The following ARK2C variants were observed in gnomAD, a reference collection of about 807,000 sequenced individuals.
The protein encoded by ARK2C is arkadia (RNF111) C-terminal like ring finger ubiquitin ligase 2C, also known as E3 ubiquitin-protein ligase ARK2C.
the ARK2C span, among the ~76,000 whole-genome samples, chr18:46,404,626 G>A: frequency 1.3e-5 from 2 of 152,030 alleles, no homozygotes; most frequent in Non-Finnish European, 2.9e-5. Context: ...GGTGGCGGGA[G>A]CCTGTAATGC....
the ARK2C span, chr18:46,457,297 C>T: frequency 2.0e-5 from 3 of 152,046 alleles, no homozygotes; most frequent in Admixed American, 1.3e-4. Context: ...TGTTTTTCAC[C>T]CAATTTGGGA....
chr18:46,356,566 C>T, the ARK2C span, among the ~76,000 whole-genome samples: 6 of 152,132 alleles, frequency 3.9e-5, no homozygotes, highest in Admixed American at 6.5e-5. Context: ...GCACGGAATG[C>T]GTACTTCTTG....
At chr18:46,366,682 T>A in the ARK2C span, among the ~76,000 whole-genome samples, 1 of 152,162 alleles carries the variant, frequency 6.6e-6, no homozygotes. Context: ...GAGCAAGGTG[T>A]TTCTTTTGAG....
At chr18:46,425,820 C>G in the ARK2C span, among the ~76,000 whole-genome samples, 3 of 152,196 alleles carry the variant, frequency 2.0e-5, no homozygotes, top group Admixed American at 2.0e-4. Flanking sequence ...GATGCTCTAA[C>G]AGAAGGCCAT....
the ARK2C span, among the ~76,000 whole-genome samples, chr18:46,352,322 GT>G: frequency 2.6e-5 from 4 of 152,184 alleles, no homozygotes; most frequent in African/African-American, 9.7e-5. Flanking sequence ...TGTAGCCTCA[GT>G]TTGCACTGGC....
the ARK2C span, chr18:46,456,696 C>A: frequency 1.6e-6 from 2 of 1,216,380 alleles, no homozygotes; most frequent in Non-Finnish European, 1.2e-6. Flanking sequence ...CGGCCATAGC[C>A]CTTGCAGCCA....
the ARK2C span, chr18:46,435,496 C>T: frequency 2.8e-5 from 26 of 915,958 alleles, 1 homozygote; most frequent in South Asian, 2.5e-4. Context: ...CTTTGAATGG[C>T]GCAGGAGGCC....
At chr18:46,456,874 C>G in the ARK2C span, 105 of 505,994 alleles carry the variant, frequency 2.1e-4, no homozygotes, top group Non-Finnish European at 3.4e-4. Context: ...AGAGAGGGAG[C>G]TGGCGGTGCC....
chr18:46,453,303 G>T, the ARK2C span, among the ~76,000 whole-genome samples: 1,344 of 152,274 alleles, frequency 8.8e-3, 27 homozygotes, highest in African/African-American at 0.031. Context: ...TATTGGAGAA[G>T]AACATAGAAG....
the ARK2C span, among the ~76,000 whole-genome samples, chr18:46,451,182 G>A: frequency 2.6e-5 from 4 of 152,256 alleles, no homozygotes; most frequent in South Asian, 8.3e-4. Context: ...ATAATTCTAT[G>A]TCCAATCTCA....
At chr18:46,344,118 T>C in the ARK2C span, among the ~76,000 whole-genome samples, 1 of 152,200 alleles carries the variant, frequency 6.6e-6, no homozygotes, top group Non-Finnish European at 1.5e-5. Flanking sequence ...CTGACGACAC[T>C]GTATCCCTTA....
the ARK2C span, among the ~76,000 whole-genome samples, chr18:46,397,796 G>C: frequency 7.2e-6 from 1 of 139,302 alleles, no homozygotes; most frequent in Non-Finnish European, 1.6e-5. Context: ...GCTGAGGTGT[G>C]AGGGTGTGTG....
chr18:46,460,220 T>A, the ARK2C span: 1 of 152,686 alleles, frequency 6.5e-6, no homozygotes, highest in Non-Finnish European at 1.5e-5. Flanking sequence ...TTTTCTTTTT[T>A]TCCTAAAGAA....
the ARK2C span, among the ~76,000 whole-genome samples, chr18:46,406,005 C>T: frequency 6.6e-5 from 10 of 152,064 alleles, no homozygotes; most frequent in African/African-American, 2.4e-4. Context: ...CTCAGACACT[C>T]GCATACATAC....
chr18:46,455,661 A>T, the ARK2C span, among the ~76,000 whole-genome samples: 2 of 152,134 alleles, frequency 1.3e-5, no homozygotes, highest in East Asian at 3.9e-4. Flanking sequence ...ACATGGTGAA[A>T]CCCTGTCTCT....
chr18:46,380,106 G>A, the ARK2C span, among the ~76,000 whole-genome samples: 1 of 152,254 alleles, frequency 6.6e-6, no homozygotes, highest in African/African-American at 2.4e-5. Flanking sequence ...CCCAGTGGGG[G>A]TGGAGTGCAG....
At chr18:46,347,352 C>G in the ARK2C span, among the ~76,000 whole-genome samples, 1 of 152,322 alleles carries the variant, frequency 6.6e-6, no homozygotes, top group Non-Finnish European at 1.5e-5. Context: ...CCTGCCATCC[C>G]CTGGCCCTGG....
chr18:46,448,829 G>A, the ARK2C span, among the ~76,000 whole-genome samples: 6 of 152,290 alleles, frequency 3.9e-5, no homozygotes, highest in Admixed American at 6.5e-5. Flanking sequence ...AAGCTTGATT[G>A]AAAATCTTAT....
chr18:46,443,634 C>T, the ARK2C span, among the ~76,000 whole-genome samples: 1 of 152,288 alleles, frequency 6.6e-6, no homozygotes, highest in East Asian at 1.9e-4. Context: ...ATTTGTTCAC[C>T]TATTGTTTAT....
Sources: gnomAD v4.1 joint callset for allele counts (sites outside exome capture counted in the v4.1 genomes callset) on GRCh38, gnomAD v4.1.1 for gene constraint, MANE v1.5 for transcripts, NCBI Gene and HGNC (gene_info 2026-07-23, HGNC 2026-07-21) for gene names.